BDKRB2: variants seen among roughly 807,000 people sequenced by gnomAD.
BDKRB2 encodes bradykinin receptor B2.
Under a neutral mutation model 4.0 loss-of-function variants are expected in BDKRB2, and 6 were observed. The ratio of observed to expected loss-of-function variants is 1.49; its 90% CI spans 0.81 to 2.93. The LOEUF is 2.93. Ranked by LOEUF, BDKRB2 falls within the 30% of genes most tolerant of loss-of-function variation. BDKRB2 has a pLI of 0.00. For synonymous variants in BDKRB2, 225 were observed against 215.3 expected (o/e 1.05, Z -0.40); for missense variants, 478 against 520.1 (o/e 0.92, Z 0.79).
At chr14:96,206,755 G>A (rs1166807939) in intron 1 of BDKRB2, among the ~76,000 whole-genome samples, 7 of 152,124 alleles carry the variant, frequency 4.6e-5, no homozygotes, top group East Asian at 3.9e-4. Context: ...ACCTGGGCGC[G>A]GTGGGGGGAG....
intron 1 of BDKRB2, among the ~76,000 whole-genome samples, chr14:96,225,443 C>T (rs1454623632): frequency 4.0e-5 from 6 of 148,480 alleles, no homozygotes; most frequent in African/African-American, 1.5e-4. Context: ...ACTAAGATGT[C>T]GCTTGATATC....
chr14:96,233,120 G>A (rs922629169), intron 1 of BDKRB2, among the ~76,000 whole-genome samples: 2 of 152,080 alleles, frequency 1.3e-5, no homozygotes, highest in African/African-American at 4.8e-5. Context: ...CGATCACCCC[G>A]GGCTCAGCTG....
chr14:96,224,554 C>T (rs184200443), intron 1 of BDKRB2, among the ~76,000 whole-genome samples: 65 of 152,268 alleles, frequency 4.3e-4, no homozygotes, highest in Admixed American at 3.7e-3. Context: ...TCCTTATTTA[C>T]CAAGAGGTTA....
chr14:96,229,209 C>T (rs2139787234), intron 1 of BDKRB2, among the ~76,000 whole-genome samples: 1 of 152,228 alleles, frequency 6.6e-6, no homozygotes, highest in East Asian at 1.9e-4. Context: ...TATAGCTATA[C>T]CCTATAATAA....
intron 1 of BDKRB2, among the ~76,000 whole-genome samples, chr14:96,206,423 G>A (rs1335290797): frequency 6.6e-6 from 1 of 152,152 alleles, no homozygotes; most frequent in African/African-American, 2.4e-5. Flanking sequence ...CCAGGGAAAT[G>A]CCTCAATCTC....
At chr14:96,206,255 A>T (rs758063539) in intron 1 of BDKRB2, among the ~76,000 whole-genome samples, 2 of 152,040 alleles carry the variant, frequency 1.3e-5, no homozygotes, top group Non-Finnish European at 2.9e-5. Flanking sequence ...GCGTCTTTGG[A>T]TGAAAAAGAG....
intron 1 of BDKRB2, among the ~76,000 whole-genome samples, chr14:96,227,302 G>T (rs925754293): frequency 6.6e-6 from 1 of 152,180 alleles, no homozygotes; most frequent in Admixed American, 6.5e-5. Context: ...AATGTACTTT[G>T]TGCTCACATT....
At chr14:96,209,545 G>T (rs1157167411) in intron 1 of BDKRB2, among the ~76,000 whole-genome samples, 2 of 152,170 alleles carry the variant, frequency 1.3e-5, no homozygotes, top group East Asian at 3.8e-4. Context: ...AGGAAAAATC[G>T]GGGGAAGGTG....
At position 96,240,900 on chromosome 14, in the gene BDKRB2, C is replaced by A; in HGVS notation, c.572C>A (p.Pro191His). The A allele has an allele frequency of 6.3e-7, 1 of 1,597,168 alleles. No homozygotes were observed. Among genetic ancestry groups the A allele is most frequent in the South Asian group, 1.2e-5 (1 of 86,864 alleles). ...GGGTGTACGCTGCTCCTGAGCTCAC[C>A]CATGCTGGTGTTCCGGACCATGAAG... is the stretch of plus-strand genomic sequence containing the variant. Reference protein sequence around the residue: ...IWGCTLLLSSPMLVFRTMKEY... With the variant: ...IWGCTLLLSSHMLVFRTMKEY... Residue 191 changes from proline (P) to histidine (H), a missense_variant, in exon 3 of 3, where the codon CCC becomes CAC. Physicochemically the swap from Pro to His is moderately conservative, Grantham distance 77 (BLOSUM62 -2). Transcript: ENST00000554311.
chr14:96,226,995 TG>T (rs1248134875), intron 1 of BDKRB2, among the ~76,000 whole-genome samples: 1 of 152,132 alleles, frequency 6.6e-6, no homozygotes, highest in Non-Finnish European at 1.5e-5. Flanking sequence ...CCCTCTAACC[TG>T]GGTCAAACCC....
intron 1 of BDKRB2, among the ~76,000 whole-genome samples, chr14:96,206,705 G>A (rs895985720): frequency 1.3e-5 from 2 of 152,162 alleles, no homozygotes; most frequent in African/African-American, 2.4e-5. Context: ...ACATTAGGGC[G>A]GCCTCCTCAC....
intron 1 of BDKRB2, among the ~76,000 whole-genome samples, chr14:96,222,162 T>A (rs56094392): frequency 0.2 from 30,623 of 151,888 alleles, 3,175 homozygotes; most frequent in South Asian, 0.27. Flanking sequence ...TGACTTATAA[T>A]AAAAGACACC....
rs1444493370 is a variant in BDKRB2 at position 96,241,521 on chromosome 14, C to T, written c.*17C>T. 6.6e-7 allele frequency: 1 copy of T among 1,510,008 alleles called. No homozygotes were observed. The highest frequency in any genetic ancestry group is 8.8e-7 in the Non-Finnish European group (1 of 1,137,144). The allele number at this position is 1,510,008 out of a possible 1,614,324, so 93.5% of individuals were successfully genotyped here. A position where few individuals can be genotyped will look rare whatever the true frequency, so the allele number is the denominator to read the frequency against. On this transcript the variant is annotated 3_prime_UTR_variant, in exon 3 of 3. Transcript: ENST00000554311. ...AGACAGTGAGCAAACGCCAGCAGGG[C>T]TGCTGTGAATTTGTGTAAGGATTGA...
At position 96,204,879 on chromosome 14, in the gene BDKRB2, C is replaced by T. The variant is rs202100003; in HGVS notation, c.-120C>T. On this transcript the variant is annotated 5_prime_UTR_variant, in exon 1 of 3. In the 5' UTR this introduces an upstream ATG that the reference lacks. Transcript: ENST00000554311. ...TCTGGGCTCCGAGGAGGGGTGGGGA[C>T]GGTGGGGACGGTGGGGACATCAGGC... is the stretch of plus-strand genomic sequence containing the variant. 2.3e-5 allele frequency: 2 copies of T among 87,080 alleles called. No individual in the cohort carries two copies. The highest frequency in any genetic ancestry group is 2.5e-4 in the Admixed American group (1 of 4,000). The allele number at this position is 87,080 out of a possible 1,614,324, so 5.4% of individuals were successfully genotyped here.
At chr14:96,236,928 C>A in intron 1 of BDKRB2, 141 bp from the exon 2 acceptor site, 3 of 625,844 alleles carry the variant, frequency 4.8e-6, no homozygotes, top group Admixed American at 2.6e-5. Flanking sequence ...GTATCCCTAG[C>A]ACCGCTGTGT....
intron 1 of BDKRB2, among the ~76,000 whole-genome samples, chr14:96,207,440 G>A (rs1009442916): frequency 4.6e-5 from 7 of 152,056 alleles, no homozygotes; most frequent in African/African-American, 1.7e-4. Context: ...AAAATCAGTG[G>A]TTGCCAGGAA....
At chr14:96,212,990 C>T (rs1277723283) in intron 1 of BDKRB2, among the ~76,000 whole-genome samples, 1 of 152,150 alleles carries the variant, frequency 6.6e-6, no homozygotes, top group Non-Finnish European at 1.5e-5. Flanking sequence ...TATTTCGCCA[C>T]CAGTATTTTT....
At chr14:96,224,828 T>C (rs577511350) in intron 1 of BDKRB2, among the ~76,000 whole-genome samples, 16 of 152,264 alleles carry the variant, frequency 1.1e-4, no homozygotes, top group South Asian at 1.0e-3. Flanking sequence ...ATTCTGAAGG[T>C]TGACTCCCTC....
chr14:96,228,976 G>T (rs187624677), intron 1 of BDKRB2, among the ~76,000 whole-genome samples: 11 of 152,364 alleles, frequency 7.2e-5, no homozygotes, highest in Admixed American at 6.5e-4. Flanking sequence ...CATGGGAATA[G>T]CAATGCATCA....
Sources: gnomAD v4.1 joint callset for allele counts (sites outside exome capture counted in the v4.1 genomes callset) on GRCh38, gnomAD v4.1.1 for gene constraint, MANE v1.5 for transcripts, NCBI Gene and HGNC (gene_info 2026-07-23, HGNC 2026-07-21) for gene names.